TULP4: variants seen among roughly 807,000 people sequenced by gnomAD.
The protein encoded by TULP4 is TUB like protein 4, also known as tubby-related protein 4.
TULP4 carries 16 observed loss-of-function variants against 129.0 expected under a neutral mutation model. The observed-to-expected ratio is 0.12, with a 90% CI of 0.08 to 0.19. The LOEUF (loss-of-function observed/expected upper bound fraction) is 0.19, where lower values mean the gene tolerates loss of function less well. Among genes scored for constraint, TULP4 ranks in the 10% least tolerant of loss-of-function variants. The pLI is 1.00. For synonymous variants in TULP4, 998 were observed against 854.0 expected (o/e 1.17, Z -2.94); for missense variants, 1,842 against 2,059.1 (o/e 0.89, Z 2.04).
At chr6:158,340,682 C>T (rs1780159830) in intron 1 of TULP4, among the ~76,000 whole-genome samples, 1 of 152,208 alleles carries the variant, frequency 6.6e-6, no homozygotes, top group African/African-American at 2.4e-5. Flanking sequence ...CTGAGTCCTA[C>T]CTCCTCGACA....
intron 1 of TULP4, among the ~76,000 whole-genome samples, chr6:158,372,392 G>C (rs760204243): frequency 9.2e-5 from 14 of 151,740 alleles, no homozygotes; most frequent in Non-Finnish European, 1.3e-4. Context: ...TTTAAGTAAA[G>C]CATTTAACAT....
intron 1 of TULP4, among the ~76,000 whole-genome samples, chr6:158,333,321 G>A (rs923969592): frequency 3.3e-5 from 5 of 152,274 alleles, no homozygotes; most frequent in African/African-American, 9.6e-5. Flanking sequence ...AAGACACATC[G>A]GAGAGCTTGC....
At chr6:158,248,195 A>G (rs1778064356) in intron 1 of TULP4, among the ~76,000 whole-genome samples, 1 of 152,080 alleles carries the variant, frequency 6.6e-6, no homozygotes, top group Non-Finnish European at 1.5e-5. Context: ...TAATCCCAGC[A>G]TTTTGGGAGG....
chr6:158,298,880 G>T (rs114003288), intron 1 of TULP4, among the ~76,000 whole-genome samples: 2,374 of 152,256 alleles, frequency 0.016, 69 homozygotes, highest in African/African-American at 0.055. Flanking sequence ...ACAGGTAGAG[G>T]AGCATACCTG....
intron 5 of TULP4, among the ~76,000 whole-genome samples, chr6:158,454,908 GAGC>G (rs1352289364): frequency 6.6e-6 from 1 of 151,548 alleles, no homozygotes; most frequent in Non-Finnish European, 1.5e-5. Flanking sequence ...ACCCATCCTG[GAGC>G]AGCACTTCTA....
At chr6:158,412,412 G>A (rs2115007521) in intron 1 of TULP4, among the ~76,000 whole-genome samples, 1 of 152,270 alleles carries the variant, frequency 6.6e-6, no homozygotes, top group Admixed American at 6.5e-5. Context: ...AAGCCACCTA[G>A]CCGAGTTGCT....
intron 1 of TULP4, among the ~76,000 whole-genome samples, chr6:158,325,477 C>G (rs931408676): frequency 1.3e-5 from 2 of 151,712 alleles, no homozygotes; most frequent in African/African-American, 2.4e-5. Context: ...CTTAGCCTCC[C>G]GAGTAGCTGG....
upstream of TULP4, among the ~76,000 whole-genome samples, chr6:158,277,570 C>T (rs1778669786): frequency 6.6e-6 from 1 of 152,190 alleles, no homozygotes; most frequent in Non-Finnish European, 1.5e-5. Context: ...CAAGGATTAG[C>T]TTTGGCCACA....
At chr6:158,470,866 C>T (rs144441316) in intron 6 of TULP4, among the ~76,000 whole-genome samples, 157 of 152,236 alleles carry the variant, frequency 1.0e-3, no homozygotes, top group African/African-American at 3.6e-3. Context: ...AAAGAATTGG[C>T]GACTAAGCAG....
intron 5 of TULP4, among the ~76,000 whole-genome samples, chr6:158,456,833 C>CAA (rs11354887): frequency 2.4e-5 from 3 of 126,054 alleles, no homozygotes; most frequent in Non-Finnish European, 5.1e-5. Context: ...GACTCCATCT[C>CAA]AAAAAAAAAA....
At chr6:158,279,065 G>A (rs1166420309), upstream of TULP4, among the ~76,000 whole-genome samples, 3 of 49,112 alleles carry the variant, frequency 6.1e-5, no homozygotes, top group Admixed American at 6.2e-4. Flanking sequence ...TCAGCCTCCC[G>A]AGTAGCTGGG....
At chr6:158,304,026 T>TA (rs1779172061) in intron 1 of TULP4, among the ~76,000 whole-genome samples, 1 of 152,158 alleles carries the variant, frequency 6.6e-6, no homozygotes, top group South Asian at 2.1e-4. Flanking sequence ...GTAGTGAAAA[T>TA]AAGTTAGAAA....
intron 1 of TULP4, among the ~76,000 whole-genome samples, chr6:158,285,502 C>G (rs1027112762): frequency 1.3e-5 from 2 of 152,168 alleles, no homozygotes; most frequent in African/African-American, 4.8e-5. Flanking sequence ...ACCTGAATTC[C>G]TGCTGTGGTT....
At chr6:158,247,854 A>G (rs1562493784) in intron 1 of TULP4, among the ~76,000 whole-genome samples, 1 of 152,226 alleles carries the variant, frequency 6.6e-6, no homozygotes, top group Non-Finnish European at 1.5e-5. Context: ...ATATTCATGA[A>G]AAGTTGATCA....
chr6:158,285,597 G>T (rs1778821450), intron 1 of TULP4, among the ~76,000 whole-genome samples: 1 of 152,186 alleles, frequency 6.6e-6, no homozygotes, highest in East Asian at 1.9e-4. Context: ...CTCTCTGTAT[G>T]TTGGAAATCA....
At chr6:158,407,543 A>T (rs1468132548) in intron 1 of TULP4, among the ~76,000 whole-genome samples, 3 of 140,912 alleles carry the variant, frequency 2.1e-5, no homozygotes, top group Non-Finnish European at 4.8e-5. Flanking sequence ...ATGTTTATAC[A>T]AAAAAAAAAC....
intron 5 of TULP4, among the ~76,000 whole-genome samples, chr6:158,460,491 G>A (rs1053463261): frequency 6.6e-6 from 1 of 152,088 alleles, no homozygotes; most frequent in Non-Finnish European, 1.5e-5. Context: ...TAATACTAAT[G>A]GCTTTTGTTT....
At chr6:158,294,823 C>T (rs1779001475) in intron 1 of TULP4, among the ~76,000 whole-genome samples, 1 of 152,138 alleles carries the variant, frequency 6.6e-6, no homozygotes, top group African/African-American at 2.4e-5. Flanking sequence ...CCTCCACCTC[C>T]CAAGCTCAAG....
At chr6:158,440,459 T>G (rs1281267134) in intron 3 of TULP4, among the ~76,000 whole-genome samples, 3 of 152,128 alleles carry the variant, frequency 2.0e-5, no homozygotes, top group African/African-American at 7.2e-5. Flanking sequence ...GAGCTGCTGC[T>G]CATAGCTCCT....
Sources: allele counts gnomAD v4.1 joint callset (sites outside exome capture counted in the v4.1 genomes callset), GRCh38; gene constraint gnomAD v4.1.1; transcripts MANE v1.5; gene names NCBI Gene and HGNC (gene_info 2026-07-23, HGNC 2026-07-21).